The following LRRC1 variants were observed in gnomAD, a reference collection of about 807,000 sequenced individuals.
LRRC1 encodes the protein leucine-rich repeat-containing protein 1.
A neutral mutation model predicts 69.9 loss-of-function variants in LRRC1; 28 were observed. That is an observed-to-expected ratio of 0.40 (90% CI 0.30 to 0.55). The LOEUF (loss-of-function observed/expected upper bound fraction) is 0.55, where lower values mean the gene tolerates loss of function less well. LRRC1 is among the 20% of genes least tolerant of loss of function. The probability of loss-of-function intolerance (pLI) is 0.47; values close to 1 mark genes in which losing one functional copy is unlikely to be tolerated. For synonymous variants in LRRC1, 236 were observed against 240.2 expected, an observed-to-expected ratio of 0.98 and a Z score of 0.16; for missense variants, 498 against 609.0, an observed-to-expected ratio of 0.82 and a Z score of 1.92.
At chr6:53,843,968 C>T (rs1765863723) in intron 2 of LRRC1, among the ~76,000 whole-genome samples, 1 of 152,136 alleles carries the variant, frequency 6.6e-6, no homozygotes, top group South Asian at 2.1e-4. Context: ...ACATAGGGTA[C>T]AGGTCAGGTT....
At chr6:53,800,320 C>T (rs1764440868) in intron 1 of LRRC1, among the ~76,000 whole-genome samples, 1 of 138,022 alleles carries the variant, frequency 7.2e-6, no homozygotes, top group East Asian at 2.2e-4. Flanking sequence ...GGCGCGATCT[C>T]AGCTCACTGC....
At chr6:53,881,295 G>A (rs35682826) in intron 3 of LRRC1, among the ~76,000 whole-genome samples, 52,385 of 151,984 alleles carry the variant, frequency 0.34, 9,614 homozygotes, top group South Asian at 0.42. Flanking sequence ...TGGGAAGCTC[G>A]GACTGCAGTT....
intron 10 of LRRC1, among the ~76,000 whole-genome samples, chr6:53,912,139 A>G (rs1301564500): frequency 6.6e-6 from 1 of 152,234 alleles, no homozygotes; most frequent in South Asian, 2.1e-4. Context: ...TGGTGGGTAG[A>G]TAGCGTGAAT....
intron 2 of LRRC1, among the ~76,000 whole-genome samples, chr6:53,870,061 A>G (rs946785743): frequency 6.6e-6 from 1 of 152,244 alleles, no homozygotes; most frequent in African/African-American, 2.4e-5. Context: ...ACTGTCTGCT[A>G]CTTTGTGCAT....
At chr6:53,855,733 A>T (rs902215612) in intron 2 of LRRC1, among the ~76,000 whole-genome samples, 1 of 152,208 alleles carries the variant, frequency 6.6e-6, no homozygotes, top group Non-Finnish European at 1.5e-5. Flanking sequence ...TCACAATCAC[A>T]GGGAGCACCT....
chr6:53,837,107 A>G (rs994230900), intron 1 of LRRC1, among the ~76,000 whole-genome samples: 1 of 152,112 alleles, frequency 6.6e-6, no homozygotes, highest in Admixed American at 6.5e-5. Context: ...TAATACCTCT[A>G]TCAGATCCAC....
In LRRC1 at chr6:53,902,643, C is replaced by T. The variant is rs758088869; in HGVS notation, c.802C>T (p.Leu268=). The change falls in exon 9 of 14, where the codon CTG becomes TTG. Residue 268 remains leucine (L), a synonymous_variant. Coordinates refer to ENST00000370888, the MANE Select transcript of LRRC1 (RefSeq NM_018214.5). ...TGCTTTTACAGGAAAACTAAAGAAA[C>T]TGTCAATCTTGAAGGTGGATCAGAA... ...IPDGIGKLKK[L]SILKVDQNRL... 1.3e-6 allele frequency: 2 copies of T among 1,591,108 alleles called. No individual in the cohort carries two copies. Among genetic ancestry groups the T allele is most frequent in the Non-Finnish European group, 1.7e-6 (2 of 1,169,936 alleles).
chr6:53,882,417 T>G (rs1767323213), intron 3 of LRRC1, among the ~76,000 whole-genome samples: 1 of 152,248 alleles, frequency 6.6e-6, no homozygotes, highest in Admixed American at 6.5e-5. Context: ...CCCTGGGTAT[T>G]ATAAACTACA....
chr6:53,811,428 T>C (rs1456308113), intron 1 of LRRC1, among the ~76,000 whole-genome samples: 1 of 152,212 alleles, frequency 6.6e-6, no homozygotes, highest in African/African-American at 2.4e-5. Context: ...ATTAGTCATG[T>C]TGAGAGAAGG....
At chr6:53,813,445 A>G (rs1485085632) in intron 1 of LRRC1, among the ~76,000 whole-genome samples, 1 of 151,996 alleles carries the variant, frequency 6.6e-6, no homozygotes, top group Non-Finnish European at 1.5e-5. Context: ...TGTGCAAACC[A>G]GAGAGTGCAT....
chr6:53,824,331 A>G (rs1174459869), intron 1 of LRRC1, among the ~76,000 whole-genome samples: 2 of 151,208 alleles, frequency 1.3e-5, no homozygotes, highest in South Asian at 2.1e-4. Flanking sequence ...CCACTTTTTA[A>G]TGGTGTTTTT....
At chr6:53,901,570 T>C (rs1245995051) in intron 8 of LRRC1, among the ~76,000 whole-genome samples, 1 of 151,012 alleles carries the variant, frequency 6.6e-6, no homozygotes, top group African/African-American at 2.4e-5. Context: ...AGCAAAGATA[T>C]GTTACAAATC....
chr6:53,867,662 T>A (rs1338456640), intron 2 of LRRC1, among the ~76,000 whole-genome samples: 1 of 152,134 alleles, frequency 6.6e-6, no homozygotes, highest in East Asian at 1.9e-4. Context: ...TTATTTTTAT[T>A]ATTTTTTTTA....
At chr6:53,802,167 G>A (rs749880364) in intron 1 of LRRC1, among the ~76,000 whole-genome samples, 1 of 152,192 alleles carries the variant, frequency 6.6e-6, no homozygotes, top group African/African-American at 2.4e-5. Context: ...CTACCCTGTA[G>A]GCAGAGGAGC....
At chr6:53,879,168 C>G (rs2127430127) in intron 3 of LRRC1, 97 bp downstream of exon 3, 1 of 722,628 alleles carries the variant, frequency 1.4e-6, no homozygotes, top group South Asian at 1.6e-5. Context: ...TTGGAGGTAC[C>G]TAGATGGATC....
At chr6:53,809,519 A>G (rs1764729969) in intron 1 of LRRC1, among the ~76,000 whole-genome samples, 1 of 152,246 alleles carries the variant, frequency 6.6e-6, no homozygotes, top group East Asian at 1.9e-4. Context: ...CCCAGTCACC[A>G]TCCCTCTTTG....
intron 4 of LRRC1, among the ~76,000 whole-genome samples, chr6:53,888,255 T>C (rs1767554448): frequency 6.6e-6 from 1 of 152,184 alleles, no homozygotes; most frequent in African/African-American, 2.4e-5. Flanking sequence ...CTGCAAAAAT[T>C]ATTAGAGCTA....
At chr6:53,852,975 C>T (rs1766186630) in intron 2 of LRRC1, among the ~76,000 whole-genome samples, 1 of 152,308 alleles carries the variant, frequency 6.6e-6, no homozygotes, top group African/African-American at 2.4e-5. Context: ...CAGGTGCTGG[C>T]AGATTCAGCG....
At chr6:53,912,937 T>G (rs1228614317) in intron 10 of LRRC1, among the ~76,000 whole-genome samples, 1 of 152,206 alleles carries the variant, frequency 6.6e-6, no homozygotes, top group African/African-American at 2.4e-5. Flanking sequence ...TATGGAGTCC[T>G]GCAGAATGTT....
Sources: allele counts gnomAD v4.1 joint callset (sites outside exome capture counted in the v4.1 genomes callset), GRCh38; gene constraint gnomAD v4.1.1; transcripts MANE v1.5; gene names NCBI Gene and HGNC (gene_info 2026-07-23, HGNC 2026-07-21).